DCHS1: variants seen among roughly 807,000 people sequenced by gnomAD.
DCHS1 encodes protocadherin-16.
In DCHS1, 78 loss-of-function variants were observed where a neutral mutation model predicts 213.9. The observed-to-expected ratio is 0.36, with a 90% CI of 0.30 to 0.44. DCHS1 has a LOEUF of 0.44. DCHS1 is among the 20% of genes least tolerant of loss of function. The pLI is 1.00. For synonymous variants in DCHS1, 1,828 were observed against 1,873.7 expected (o/e 0.98, Z 0.63); for missense variants, 3,946 against 4,395.9 (o/e 0.90, Z 2.89).
Position 6,631,033 on chromosome 11 carries a change from G to C in DCHS1, c.3930+20C>G. ...AAGGGGACCTACAGCGGTAGCCAAG[G>C]GGAGGAAGGGCAGCCATACCTGCAC... On this transcript the variant is annotated intron_variant, in intron 9 of 20. Transcript: ENST00000299441. 6.3e-7 allele frequency: 1 copy of C among 1,587,172 alleles called. No individual in the cohort carries two copies. Among genetic ancestry groups the C allele is most frequent in the Non-Finnish European group, 8.6e-7 (1 of 1,165,136 alleles).
chr11:6,641,859 T>G lies in DCHS1; in HGVS notation c.-120-126A>C. On this transcript the variant is annotated intron_variant, in intron 1 of 20. Transcript: ENST00000299441. This position sits in a 1 kb window ranked among gnomAD's most constrained non-coding sequence, Gnocchi z 7.1. ...AGCAGGCCCTTGTGCTGCCTCACAC[T>G]CATCTTGGGCCACACGGATCTCTGC... The G allele has an allele frequency of 1.2e-6, 1 of 800,168 alleles. No individual in the cohort carries two copies. Among genetic ancestry groups the G allele is most frequent in the Non-Finnish European group, 1.9e-6 (1 of 538,856 alleles). 49.6% of individuals were successfully genotyped at this position (800,168 alleles called of 1,614,324 possible). A position where few individuals can be genotyped will look rare whatever the true frequency, so the allele number is the denominator to read the frequency against.
rs1228212181 is a variant in DCHS1, at chr11:6,629,541, C to A, written c.5072G>T (p.Ser1691Ile). 6.2e-7 allele frequency: 1 copy of A among 1,613,584 alleles called. No individual in the cohort carries two copies. Among genetic ancestry groups the A allele is most frequent in the East Asian group, 2.2e-5 (1 of 44,880 alleles). Residue 1691 changes from serine (S) to isoleucine (I), a missense_variant, in exon 12 of 21, where the codon AGC becomes ATC. By Grantham distance (142) the Ser-to-Ile change is moderately radical. Around this residue, in one of 3 missense-constraint regions of DCHS1, gnomAD observed 3,384 missense variants for 3,780.1 expected, o/e 0.90. Transcript: ENST00000299441. ...GTCAGGATCCAGAGAAAAGCTTTCG[C>A]TAGAGACGCCTCCATAAGTCACTTG... ...NGQVTYGGVS[S>I]ESFSLDPDTG...
chr11:6,646,945 G>A (rs1443755054), intron 1 of DCHS1, among the ~76,000 whole-genome samples: 2 of 152,108 alleles, frequency 1.3e-5, no homozygotes, highest in African/African-American at 4.8e-5. Flanking sequence ...TACAAGGGAA[G>A]GGGGTGCTCC....
chr11:6,641,175 G>A lies in DCHS1; in HGVS notation c.439C>T (p.Arg147Trp), dbSNP rs962936794. ...NDHAPAFPQA[R>W]AALQVPEHTA... is the part of the protein sequence containing the mutation. ...TGCTCAGGTACCTGCAGGGCAGCCCGAGCCTGTGGGAAGGCTGGAGCATGG... is the reference window on the plus strand; with the variant it reads ...TGCTCAGGTACCTGCAGGGCAGCCCAAGCCTGTGGGAAGGCTGGAGCATGG... Residue 147 changes from arginine to tryptophan, a missense_variant, in exon 2 of 21, where the codon CGG (arginine) becomes TGG (tryptophan). By Grantham distance (101) the Arg-to-Trp change is moderately radical. Transcript: ENST00000299441. This position sits in a 1 kb window ranked among gnomAD's most constrained non-coding sequence, Gnocchi z 7.1. 3.7e-6 allele frequency: 6 copies of A among 1,613,570 alleles called. No homozygotes were observed. Among genetic ancestry groups the A allele is most frequent in the Non-Finnish European group, 5.1e-6 (6 of 1,179,860 alleles).
Position 6,641,496 on chromosome 11 carries a change from C to A in DCHS1, c.118G>T (p.Ala40Ser). ...TCCAGGCTCCCAGCCTGACCCCAGG[C>A]ACCTGGCACCCCAGCCCCCAGCAGC... ...LLLLGAGVPG[A>S]WGQAGSLDLQ... Residue 40 changes from alanine to serine, a missense_variant, in exon 2 of 21, where the codon GCC becomes TCC. Around this residue, in one of 3 missense-constraint regions of DCHS1, gnomAD observed 3,384 missense variants for 3,780.1 expected, o/e 0.90. Coordinates refer to ENST00000299441, the MANE Select transcript of DCHS1 (RefSeq NM_003737.4). This position sits in a 1 kb window ranked among gnomAD's most constrained non-coding sequence, Gnocchi z 7.1. The A allele has an allele frequency of 6.4e-7, 1 of 1,564,608 alleles. No homozygotes were observed. The highest frequency in any genetic ancestry group is 8.7e-7 in the Non-Finnish European group (1 of 1,155,554).
chr11:6,654,070 C>T (rs1018812674), intron 1 of DCHS1, among the ~76,000 whole-genome samples: 2 of 152,158 alleles, frequency 1.3e-5, no homozygotes, highest in Non-Finnish European at 2.9e-5. Flanking sequence ...TGGCAGGATA[C>T]ACTATCCAGA....
chr11:6,632,740 A>G lies in DCHS1; in HGVS notation c.2772T>C (p.Gly924=), dbSNP rs745784160. 1.9e-6 allele frequency: 3 copies of G among 1,610,452 alleles called. No homozygotes were observed. Among genetic ancestry groups the G allele is most frequent in the South Asian group, 1.1e-5 (1 of 90,230 alleles). The change falls in exon 6 of 21, where the codon GGT becomes GGC. Residue 924 remains glycine, a synonymous_variant. Coordinates refer to ENST00000299441, the MANE Select transcript of DCHS1 (RefSeq NM_003737.4). This position sits in a 1 kb window ranked among gnomAD's most constrained non-coding sequence, Gnocchi z 5.9. ...YTLRALDPDS[G]VNSRVTFTLL... is the part of the protein sequence containing the mutation. ...GGGTAAAGGTGACTCGACTGTTAAC[A>G]CCTGAGTCGGGGTCAAGAGCCCGCA...
Position 6,631,810 on chromosome 11 carries a change from C to T in DCHS1, c.3482-1G>A. On this transcript the variant is annotated splice_acceptor_variant, in intron 6 of 20. Coordinates refer to ENST00000299441, the MANE Select transcript of DCHS1 (RefSeq NM_003737.4). LOFTEE classifies it high-confidence loss of function. ...AGGGTTTGGAGTGTGGTCACTTCTC[C>T]TGGGAGTGCAAGAAGGCGATCATGT... is the stretch of plus-strand genomic sequence containing the variant. 1 of 1,522,378 alleles carries T rather than the reference C, an allele frequency of 6.6e-7. No individual in the cohort carries two copies. Among genetic ancestry groups the T allele is most frequent in the Non-Finnish European group, 8.8e-7 (1 of 1,134,332 alleles). 94.3% of individuals were successfully genotyped at this position (1,522,378 alleles called of 1,614,324 possible). A position where few individuals can be genotyped will look rare whatever the true frequency, so the allele number is the denominator to read the frequency against.
chr11:6,641,071 C>T lies in DCHS1; in HGVS notation c.543G>A (p.Ala181=), dbSNP rs148357575. ...DAGRLGTQGY[A]LSGDGAGETF... ...TCTCTCCAGCCCCATCACCAGATAG[C>T]GCATAGCCCTGGGTTCCCAGACGCC... The change falls in exon 2 of 21, where the codon GCG becomes GCA. Residue 181 remains alanine, a synonymous_variant. Coordinates refer to ENST00000299441, the MANE Select transcript of DCHS1 (RefSeq NM_003737.4). The surrounding 1 kb of genome is among the most constrained non-coding windows in gnomAD (Gnocchi z 7.1). 4.5e-4 allele frequency: 729 copies of T among 1,614,006 alleles called. 2 individuals are homozygous for T. The African/African-American group carries it at 7.5e-3, about 17-fold the overall frequency.
At chr11:6,629,431 T>G in intron 12 of DCHS1, 21 bp downstream of exon 12, 1 of 1,612,146 alleles carries the variant, frequency 6.2e-7, no homozygotes, top group Non-Finnish European at 8.5e-7. Flanking sequence ...CTCAGGCTCT[T>G]GGGGTCCTGT....
At position 6,623,368 on chromosome 11, in the gene DCHS1, G is replaced by C. The variant is rs1205594059; in HGVS notation, c.8308C>G (p.Arg2770Gly). The C allele has an allele frequency of 1.3e-6, 2 of 1,597,864 alleles. No homozygotes were observed. The highest frequency in any genetic ancestry group is 1.7e-5 in the Admixed American group (1 of 57,804). ...GTGTGCTCATAGTCAAAGGGCACTC[G>C]CGCACGCAACTCCCCTGTTGAGCTG... ...LNSSTGELRARVPFDYEHTES... is the reference protein window; with the variant it reads ...LNSSTGELRAGVPFDYEHTES... Residue 2770 changes from arginine to glycine, a missense_variant, in exon 21 of 21, where the codon CGA becomes GGA. By Grantham distance (125) the Arg-to-Gly change is moderately radical. This residue lies in a region of DCHS1 where 3,384 missense variants were observed against 3,780.1 expected (regional missense o/e 0.90). Coordinates refer to ENST00000299441, the MANE Select transcript of DCHS1 (RefSeq NM_003737.4).
chr11:6,629,973 C>A lies in DCHS1; in HGVS notation c.4795+26G>T, dbSNP rs771943065. On this transcript the variant is annotated intron_variant, in intron 10 of 20. Transcript: ENST00000299441. Reference sequence around the variant, plus strand: ...ACACTCCACATCAGCACCTTCCTCGCCCTCACTCCCAGACCTAACTCTCAC... The same window carrying A: ...ACACTCCACATCAGCACCTTCCTCGACCTCACTCCCAGACCTAACTCTCAC... 2.5e-6 allele frequency: 4 copies of A among 1,589,428 alleles called. No individual in the cohort carries two copies. The South Asian group carries it at 4.6e-5, about 18-fold the overall frequency.
chr11:6,623,422 G>C lies in DCHS1; in HGVS notation c.8254C>G (p.Pro2752Ala). 1 of 1,589,242 alleles carries C rather than the reference G, an allele frequency of 6.3e-7. No homozygotes were observed. The highest frequency in any genetic ancestry group is 8.6e-7 in the Non-Finnish European group (1 of 1,167,888). ...RYSLLEAGPGPEGREAFALNS... is the reference protein window; with the variant it reads ...RYSLLEAGPGAEGREAFALNS... ...AGTGCAAATGCCTCACGGCCCTCAGGTCCTGGCCCAGCCTCCAACAGGCTG... is the reference window on the plus strand; with the variant it reads ...AGTGCAAATGCCTCACGGCCCTCAGCTCCTGGCCCAGCCTCCAACAGGCTG... Residue 2752 changes from proline (P) to alanine (A), a missense_variant, in exon 21 of 21, where the codon CCT (proline) becomes GCT (alanine). By Grantham distance (27) the Pro-to-Ala change is conservative (BLOSUM62 -1). Transcript: ENST00000299441.
In DCHS1 at chr11:6,623,617, A is replaced by G; in HGVS notation, c.8059T>C (p.Phe2687Leu). Residue 2687 changes from phenylalanine (F) to leucine (L), a missense_variant, in exon 21 of 21, where the codon TTT becomes CTT. Physicochemically the swap from Phe to Leu is conservative, Grantham distance 22 (BLOSUM62 0). Transcript: ENST00000299441. The stretch of plus-strand genomic sequence containing the variant: ...TCAATTGTCACTGGTGCCAAAGCAA[A>G]GTGTGCACCAGCAGGGTCAGCAGCC... Reference protein sequence around the residue: ...VQAADPAGAHFALAPVTIEVQ... With the variant: ...VQAADPAGAHLALAPVTIEVQ... 6.2e-7 allele frequency: 1 copy of G among 1,613,832 alleles called. No individual in the cohort carries two copies. The highest frequency in any genetic ancestry group is 1.7e-5 in the Admixed American group (1 of 60,014).
At position 6,629,445 on chromosome 11, in the gene DCHS1, C is replaced by T. The variant is rs1453391060; in HGVS notation, c.5161+7G>A. 1 of 1,612,666 alleles carries T rather than the reference C, an allele frequency of 6.2e-7. No homozygotes were observed. Among genetic ancestry groups the T allele is most frequent in the Admixed American group, 1.7e-5 (1 of 59,860 alleles). ...ACTCAGGCTCTTGGGGTCCTGTCAACATGTACCTGTCAGGTTGATCTCCTC... is the reference window on the plus strand; with the variant it reads ...ACTCAGGCTCTTGGGGTCCTGTCAATATGTACCTGTCAGGTTGATCTCCTC... On this transcript the variant is annotated splice_region_variant and intron_variant, in intron 12 of 20. Transcript: ENST00000299441.
At position 6,630,315 on chromosome 11, in the gene DCHS1, C is replaced by G; in HGVS notation, c.4479G>C (p.Gly1493=). The G allele has an allele frequency of 7.3e-7, 1 of 1,371,940 alleles. No individual in the cohort carries two copies. Among genetic ancestry groups the G allele is most frequent in the Non-Finnish European group, 9.4e-7 (1 of 1,066,340 alleles). 85.0% of individuals were successfully genotyped at this position (1,371,940 alleles called of 1,614,324 possible). The change falls in exon 10 of 21, where the codon GGG becomes GGC. Residue 1493 remains glycine, a synonymous_variant. Transcript: ENST00000299441. ...VPALRLDART[G]ALSAPRGLDR... is the part of the protein sequence containing the mutation. ...CCAGGCCGCGCGGAGCGCTGAGCGC[C>G]CCGGTGCGCGCGTCCAGGCGAAGCG...
intron 1 of DCHS1, among the ~76,000 whole-genome samples, chr11:6,652,821 C>G (rs1299044258): frequency 2.0e-5 from 3 of 152,142 alleles, no homozygotes; most frequent in Non-Finnish European, 1.5e-5. Flanking sequence ...TTCCTTCACC[C>G]CACCATGTCT....
Position 6,630,021 on chromosome 11 carries a change from G to T in DCHS1, c.4773C>A (p.His1591Gln). 6.4e-7 allele frequency: 1 copy of T among 1,560,906 alleles called. No homozygotes were observed. Among genetic ancestry groups the T allele is most frequent in the Non-Finnish European group, 8.7e-7 (1 of 1,149,572 alleles). ...CACCAGTGCTTGAGTGCAGCCGGAA[G>T]TGGCCGTCCCCGCCAGATGCCAGCC... ...SYRLASGGDGHFRLHSSTGAL... is the reference protein window; with the variant it reads ...SYRLASGGDGQFRLHSSTGAL... Residue 1591 changes from histidine to glutamine, a missense_variant, in exon 10 of 21, where the codon CAC becomes CAA. Around this residue, in one of 3 missense-constraint regions of DCHS1, gnomAD observed 3,384 missense variants for 3,780.1 expected, o/e 0.90. Coordinates refer to ENST00000299441, the MANE Select transcript of DCHS1 (RefSeq NM_003737.4).
Position 6,629,652 on chromosome 11 carries a change from T to C in DCHS1, c.5035+20A>G. The C allele has an allele frequency of 1.2e-6, 2 of 1,612,684 alleles. No individual in the cohort carries two copies. Among genetic ancestry groups the C allele is most frequent in the Non-Finnish European group, 1.7e-6 (2 of 1,179,260 alleles). ...TTGCCCCAGTCCATCCCACTCATAA[T>C]TCACCCCCCCAGGTCTTACCCACGT... On this transcript the variant is annotated intron_variant, in intron 11 of 20. Coordinates refer to ENST00000299441, the MANE Select transcript of DCHS1 (RefSeq NM_003737.4).
Sources: gnomAD v4.1 joint callset for allele counts (sites outside exome capture counted in the v4.1 genomes callset) on GRCh38, gnomAD v4.1.1 for gene constraint, gnomAD v4.1.1 regional missense constraint, Gnocchi (gnomAD v3.1) non-coding constraint, MANE v1.5 for transcripts, NCBI Gene and HGNC (gene_info 2026-07-23, HGNC 2026-07-21) for gene names.